The following PCDHA9 variants were observed in gnomAD, a reference collection of about 807,000 sequenced individuals.
PCDHA9 encodes the protein protocadherin alpha 9, also known as protocadherin alpha-9.
A neutral mutation model predicts 62.0 loss-of-function variants in PCDHA9; 62 were observed. The ratio of observed to expected loss-of-function variants is 1.00; its 90% CI spans 0.81 to 1.23. The LOEUF (loss-of-function observed/expected upper bound fraction) is 1.23. Ranked by LOEUF, PCDHA9 falls within the 50% of genes most tolerant of loss-of-function variation. PCDHA9 has a pLI of 0.00. For synonymous variants in PCDHA9, 557 were observed against 567.6 expected, an observed-to-expected ratio of 0.98 and a Z score of 0.27; for missense variants, 1,205 against 1,249.8, an observed-to-expected ratio of 0.96 and a Z score of 0.54.
intron 1 of PCDHA9, among the ~76,000 whole-genome samples, chr5:140,873,515 C>A (rs2054335003): frequency 6.6e-6 from 1 of 152,056 alleles, no homozygotes; most frequent in African/African-American, 2.4e-5. Context: ...ATACTTAATG[C>A]CAAGATTGCA....
At chr5:140,883,547 G>C in intron 1 of PCDHA9, 1 of 1,614,234 alleles carries the variant, frequency 6.2e-7, no homozygotes, top group Non-Finnish European at 8.5e-7. Flanking sequence ...GGTGGTGACC[G>C]CGCGGGACGG....
At chr5:140,857,727 A>C in intron 1 of PCDHA9, 1 of 1,597,294 alleles carries the variant, frequency 6.3e-7, no homozygotes, top group South Asian at 1.1e-5. Flanking sequence ...GAGAACGACA[A>C]CGCTCCCGCG....
At chr5:140,853,065 G>A in intron 1 of PCDHA9, 1 of 280,750 alleles carries the variant, frequency 3.6e-6, no homozygotes, top group Non-Finnish European at 5.5e-6. Context: ...ATTTTTAGTA[G>A]AGATGGGGTT....
intron 1 of PCDHA9, among the ~76,000 whole-genome samples, chr5:140,907,719 C>A (rs2153502555): frequency 1.3e-5 from 2 of 152,330 alleles, no homozygotes; most frequent in South Asian, 4.1e-4. Flanking sequence ...CCATGTGTAA[C>A]CTCCATCCCT....
intron 1 of PCDHA9, chr5:140,969,129 C>T: frequency 6.2e-7 from 1 of 1,614,144 alleles, no homozygotes; most frequent in Non-Finnish European, 8.5e-7. Context: ...GGCTCCCTCA[C>T]CAAGACCTAC....
chr5:140,874,187 C>A (rs1554167080), intron 1 of PCDHA9, among the ~76,000 whole-genome samples: 1 of 152,168 alleles, frequency 6.6e-6, no homozygotes, highest in Non-Finnish European at 1.5e-5. Context: ...GTAAAGGTGT[C>A]ATATTTCAGT....
chr5:140,986,358 A>C (rs1440671712), intron 3 of PCDHA9, among the ~76,000 whole-genome samples: 1 of 152,116 alleles, frequency 6.6e-6, no homozygotes, highest in African/African-American at 2.4e-5. Context: ...CTTCAGATGG[A>C]GGAATGCGTT....
At chr5:140,869,722 G>C in intron 1 of PCDHA9, 6 of 1,613,324 alleles carry the variant, frequency 3.7e-6, no homozygotes, top group Non-Finnish European at 5.1e-6. Context: ...GAAAACTCCG[G>C]AACTTAATTT....
Position 141,010,435 on chromosome 5 carries a change from A to C in PCDHA9, c.*498A>C. 1 of 1,039,068 alleles carries C rather than the reference A, an allele frequency of 9.6e-7. No individual in the cohort carries two copies. The highest frequency in any genetic ancestry group is 1.4e-6 in the Non-Finnish European group (1 of 739,892). The allele number at this position is 1,039,068 out of a possible 1,614,324, so 64.4% of individuals were successfully genotyped here. A position where few individuals can be genotyped will look rare whatever the true frequency, so the allele number is the denominator to read the frequency against. On this transcript the variant is annotated 3_prime_UTR_variant, in exon 4 of 4. Transcript: ENST00000532602. ...TGGTACAAGGAAGGCAAGAAAACAA[A>C]GACAAATAAACAGCGGAAGTTATCA...
At chr5:140,928,752 T>C (rs781823494) in intron 1 of PCDHA9, 3 of 1,614,208 alleles carry the variant, frequency 1.9e-6, no homozygotes, top group Non-Finnish European at 2.5e-6. Context: ...AGCTCCGTAC[T>C]GCTCGCTTAG....
intron 1 of PCDHA9, chr5:140,852,597 C>A (rs1410004907): frequency 2.6e-5 from 23 of 879,650 alleles, no homozygotes; most frequent in Non-Finnish European, 2.9e-5. Flanking sequence ...TTTTTTTTGT[C>A]ATTTTCTTTC....
chr5:140,878,420 A>G (rs2057587520), intron 1 of PCDHA9, among the ~76,000 whole-genome samples: 1 of 152,236 alleles, frequency 6.6e-6, no homozygotes, highest in African/African-American at 2.4e-5. Flanking sequence ...TATTTCAAGT[A>G]GGAATAGATA....
intron 1 of PCDHA9, among the ~76,000 whole-genome samples, chr5:140,909,547 C>T (rs2074573960): frequency 1.3e-5 from 2 of 152,278 alleles, no homozygotes; most frequent in Non-Finnish European, 2.9e-5. Context: ...GATGGTGGCA[C>T]TAATCTCTGC....
chr5:140,919,357 G>C (rs1158844072), intron 1 of PCDHA9, among the ~76,000 whole-genome samples: 3 of 152,148 alleles, frequency 2.0e-5, no homozygotes, highest in Non-Finnish European at 4.4e-5. Flanking sequence ...GAATCTAAAA[G>C]TGTCTCCTGC....
chr5:141,000,393 CTCTA>C (rs1240848742), intron 3 of PCDHA9, among the ~76,000 whole-genome samples: 128 of 52,788 alleles, frequency 2.4e-3, no homozygotes, highest in Admixed American at 6.8e-3. Context: ...CTCTCTCTCT[CTCTA>C]TATATATATA....
At chr5:140,867,055 T>C (rs1177939308) in intron 1 of PCDHA9, 3 of 152,170 alleles carry the variant, frequency 2.0e-5, no homozygotes, top group African/African-American at 7.2e-5. Flanking sequence ...TGTTCAGTAC[T>C]ACTTTATATA....
intron 1 of PCDHA9, chr5:140,852,492 G>T (rs972287680): frequency 4.6e-6 from 1 of 217,062 alleles, no homozygotes; most frequent in Non-Finnish European, 8.5e-6. Context: ...TGGCCAGGTT[G>T]GTCTCGAACT....
At chr5:140,873,642 G>T (rs1217578025) in intron 1 of PCDHA9, among the ~76,000 whole-genome samples, 1 of 152,154 alleles carries the variant, frequency 6.6e-6, no homozygotes, top group Non-Finnish European at 1.5e-5. Flanking sequence ...GAGTATGTGA[G>T]AACTACATAA....
intron 1 of PCDHA9, among the ~76,000 whole-genome samples, chr5:140,962,051 T>G (rs1352018533): frequency 6.6e-6 from 1 of 151,838 alleles, no homozygotes; most frequent in East Asian, 1.9e-4. Context: ...GCCTGGCTAA[T>G]TTTTTTGTAT....
Sources: gnomAD v4.1 joint callset for allele counts (sites outside exome capture counted in the v4.1 genomes callset) on GRCh38, gnomAD v4.1.1 for gene constraint, MANE v1.5 for transcripts, NCBI Gene and HGNC (gene_info 2026-07-23, HGNC 2026-07-21) for gene names.